The following PTPRD variants were observed in gnomAD, a reference collection of about 807,000 sequenced individuals.
PTPRD encodes protein tyrosine phosphatase receptor type D.
Under a neutral mutation model 214.5 loss-of-function variants are expected in PTPRD, and 34 were observed. The ratio of observed to expected loss-of-function variants is 0.16; its 90% confidence interval spans 0.12 to 0.21. The LOEUF is 0.21. PTPRD is among the 10% of genes least tolerant of loss of function. The pLI, the probability that PTPRD is intolerant of heterozygous loss-of-function variation, is 1.00. For missense variants in PTPRD, 2,545 were observed against 2,398.7 expected, an observed-to-expected ratio of 1.06 and a Z score of -1.27; for synonymous variants, 1,128 against 845.7, an observed-to-expected ratio of 1.33 and a Z score of -5.79.
At chr9:8,500,558 GAAAAAAAAAAAAAAAAAAAAAAA>G (rs146807692) in intron 24 of PTPRD, among the ~76,000 whole-genome samples, 173 bp downstream of exon 24, 1 of 14,310 alleles carries the variant, frequency 7.0e-5, no homozygotes. Context: ...TGAAAAAAAT[GAAAAAAAAAAAAAAAAAAAAAAA>G]AAAAAAAAAG....
intron 8 of PTPRD, among the ~76,000 whole-genome samples, chr9:9,399,084 C>G (rs528690379): frequency 6.6e-6 from 1 of 152,084 alleles, no homozygotes; most frequent in East Asian, 1.9e-4. Flanking sequence ...TTAAGGTTTT[C>G]TGTGTCTAAA....
intron 11 of PTPRD, among the ~76,000 whole-genome samples, chr9:8,850,079 G>C (rs913953631): frequency 6.6e-6 from 1 of 152,112 alleles, no homozygotes; most frequent in Non-Finnish European, 1.5e-5. Flanking sequence ...CTGATCAAGG[G>C]ATAACTCAGA....
intron 11 of PTPRD, among the ~76,000 whole-genome samples, chr9:8,883,441 A>G (rs747519207): frequency 6.4e-4 from 98 of 152,188 alleles, no homozygotes; most frequent in Non-Finnish European, 1.3e-3. Flanking sequence ...GTGTTGTTAG[A>G]CTTAATCAGT....
At chr9:8,857,858 G>A (rs2097966652) in intron 11 of PTPRD, 1 of 155,962 alleles carries the variant, frequency 6.4e-6, no homozygotes, top group South Asian at 1.8e-4. Context: ...GTGGAAGAGA[G>A]TCAGCGAGTG....
intron 12 of PTPRD, among the ~76,000 whole-genome samples, chr9:8,648,299 T>C (rs1266280469): frequency 6.6e-6 from 1 of 152,218 alleles, no homozygotes; most frequent in Non-Finnish European, 1.5e-5. Flanking sequence ...AACAATCACC[T>C]ACATTCTGTG....
chr9:9,184,181 GA>G (rs1170606541), intron 9 of PTPRD, among the ~76,000 whole-genome samples: 3 of 151,964 alleles, frequency 2.0e-5, no homozygotes, highest in African/African-American at 7.2e-5. Flanking sequence ...TTAGTTAGAT[GA>G]ATCTCCTAGA....
intron 3 of PTPRD, among the ~76,000 whole-genome samples, chr9:10,053,591 C>T (rs2097571528): frequency 1.3e-5 from 2 of 152,108 alleles, no homozygotes; most frequent in Non-Finnish European, 2.9e-5. Flanking sequence ...CATAAATGAA[C>T]AGCAGTTGAA....
At chr9:9,583,653 G>T (rs1193497873) in intron 7 of PTPRD, among the ~76,000 whole-genome samples, 1 of 152,036 alleles carries the variant, frequency 6.6e-6, no homozygotes, top group Non-Finnish European at 1.5e-5. Flanking sequence ...TCTGGAGATA[G>T]TAATATTGAA....
At chr9:9,879,408 C>G (rs2067923949) in intron 5 of PTPRD, among the ~76,000 whole-genome samples, 1 of 152,112 alleles carries the variant, frequency 6.6e-6, no homozygotes. Context: ...AACCTCCCTC[C>G]CCCAGTGAGA....
rs191983881 is a variant in PTPRD, at chr9:8,338,156, T to C, written c.5379+766A>G. The stretch of plus-strand genomic sequence containing the variant: ...TAAATAGCTTTACCCTGGAGTTTTA[T>C]TCAACCCACCCACTGTGACAGTTCC... On this transcript the variant is annotated intron_variant, in intron 43 of 45. Transcript: ENST00000381196. Among the ~76,000 whole-genome samples the C allele has an allele frequency of 3.9e-4, 59 of 152,244 alleles. No individual in the cohort carries two copies. In the East Asian group the frequency reaches 9.5e-3, roughly 24 times the overall value.
At chr9:10,207,337 C>A (rs2099488299) in intron 3 of PTPRD, among the ~76,000 whole-genome samples, 1 of 151,992 alleles carries the variant, frequency 6.6e-6, no homozygotes, top group Non-Finnish European at 1.5e-5. Context: ...ACAGTTAATT[C>A]TTTCTCTGCA....
At chr9:10,319,209 T>C (rs1199010482) in intron 3 of PTPRD, among the ~76,000 whole-genome samples, 4 of 152,104 alleles carry the variant, frequency 2.6e-5, no homozygotes, top group Admixed American at 2.6e-4. Flanking sequence ...TAATGCATTA[T>C]TAATCAGTCT....
chr9:10,244,597 G>A (rs1219664540), intron 3 of PTPRD, among the ~76,000 whole-genome samples: 1 of 151,814 alleles, frequency 6.6e-6, no homozygotes, highest in African/African-American at 2.4e-5. Flanking sequence ...TTGGATATGA[G>A]CCAGGGAATC....
intron 44 of PTPRD, among the ~76,000 whole-genome samples, chr9:8,322,373 T>C (rs989184420): frequency 7.2e-5 from 11 of 152,208 alleles, no homozygotes; most frequent in Non-Finnish European, 1.2e-4. Context: ...GCAAAGTTCC[T>C]GAAGGAAATT....
intron 30 of PTPRD, among the ~76,000 whole-genome samples, chr9:8,476,333 G>C (rs1431975920): frequency 6.6e-6 from 1 of 152,150 alleles, no homozygotes; most frequent in Non-Finnish European, 1.5e-5. Context: ...GATCTGACAG[G>C]AGGCGGAGCT....
intron 10 of PTPRD, among the ~76,000 whole-genome samples, chr9:9,028,045 C>A (rs772234720): frequency 2.0e-5 from 3 of 151,860 alleles, no homozygotes; most frequent in Non-Finnish European, 4.4e-5. Context: ...ACATATACCC[C>A]ACCATTGCAT....
chr9:9,612,395 T>A (rs2094561896), intron 7 of PTPRD, among the ~76,000 whole-genome samples: 1 of 152,182 alleles, frequency 6.6e-6, no homozygotes, highest in East Asian at 1.9e-4. Context: ...CAGAATCATG[T>A]AACTAGCAGC....
intron 5 of PTPRD, among the ~76,000 whole-genome samples, chr9:9,833,095 G>A (rs1390906676): frequency 2.0e-5 from 3 of 150,934 alleles, no homozygotes; most frequent in African/African-American, 7.4e-5. Flanking sequence ...TGAAGAGAAG[G>A]GGCAAGGCCA....
intron 4 of PTPRD, among the ~76,000 whole-genome samples, chr9:9,979,818 G>A (rs1218458662): frequency 6.6e-6 from 1 of 152,152 alleles, no homozygotes; most frequent in African/African-American, 2.4e-5. Flanking sequence ...GAGAAACCCA[G>A]CTAACTCAGA....
Sources: allele counts gnomAD v4.1 joint callset (sites outside exome capture counted in the v4.1 genomes callset), GRCh38; gene constraint gnomAD v4.1.1; transcripts MANE v1.5; gene names NCBI Gene and HGNC (gene_info 2026-07-23, HGNC 2026-07-21).